CD47: variants seen among roughly 807,000 people sequenced by gnomAD.
The protein encoded by CD47 is leukocyte surface antigen CD47.
In CD47, 11 loss-of-function variants were observed where a neutral mutation model predicts 44.6. The ratio of observed to expected loss-of-function variants is 0.25; its 90% CI spans 0.16 to 0.41. CD47 has a LOEUF of 0.41. CD47 is among the 10% of genes least tolerant of loss of function. The pLI, the probability that CD47 is intolerant of heterozygous loss-of-function variation, is 1.00. For missense variants in CD47, 306 were observed against 386.7 expected, an observed-to-expected ratio of 0.79 and a Z score of 1.75; for synonymous variants, 140 against 136.3, an observed-to-expected ratio of 1.03 and a Z score of -0.19.
chr3:108,071,648 C>T (rs1367196882), intron 2 of CD47, among the ~76,000 whole-genome samples: 1 of 152,140 alleles, frequency 6.6e-6, no homozygotes, highest in Non-Finnish European at 1.5e-5. Context: ...AAACTACATG[C>T]AAAGGGCTTA....
intron 1 of CD47, among the ~76,000 whole-genome samples, chr3:108,088,852 C>T (rs1045619106): frequency 6.6e-6 from 1 of 152,168 alleles, no homozygotes; most frequent in African/African-American, 2.4e-5. Context: ...TCCAGTTTGC[C>T]TGTAATTGCA....
At chr3:108,087,919 C>T (rs1330443320) in intron 1 of CD47, among the ~76,000 whole-genome samples, 1 of 152,162 alleles carries the variant, frequency 6.6e-6, no homozygotes. Flanking sequence ...TCTGTATTTT[C>T]TACTTTAGTA....
chr3:108,080,016 C>G lies in CD47; in HGVS notation c.375G>C (p.Thr125=), dbSNP rs745531439. Residue 125 remains threonine (T), a synonymous_variant, in exon 2 of 11, where the codon ACG becomes ACC. Coordinates refer to ENST00000361309, the MANE Select transcript of CD47 (RefSeq NM_001777.4). ...CAACACGATATTTTAGCTCGATGAT[C>G]GTTTCACCTTCTCTGGTTAATTCTG... ...EVTELTREGE[T]IIELKYRVVS... 3.1e-6 allele frequency: 5 copies of G among 1,608,680 alleles called. No individual in the cohort carries two copies. Among genetic ancestry groups the G allele is most frequent in the Non-Finnish European group, 4.2e-6 (5 of 1,176,664 alleles).
chr3:108,049,893 G>T (rs2108219627), intron 9 of CD47, among the ~76,000 whole-genome samples: 1 of 152,186 alleles, frequency 6.6e-6, no homozygotes. Context: ...AGATGTTTTG[G>T]TCTATCTCTG....
At chr3:108,060,038 T>C (rs531476544) in intron 4 of CD47, among the ~76,000 whole-genome samples, 2 of 152,242 alleles carry the variant, frequency 1.3e-5, no homozygotes, top group African/African-American at 2.4e-5. Context: ...CTTCCTTTGC[T>C]TTTCTTTACA....
chr3:108,055,421 G>T, intron 7 of CD47: 1 of 633,042 alleles, frequency 1.6e-6, no homozygotes, highest in Non-Finnish European at 2.5e-6. Context: ...CAACCTTAAT[G>T]TTACATAGAT....
intron 1 of CD47, among the ~76,000 whole-genome samples, chr3:108,089,826 G>A (rs1260028820): frequency 6.6e-6 from 1 of 152,106 alleles, no homozygotes; most frequent in African/African-American, 2.4e-5. Flanking sequence ...TGTAACAATT[G>A]CTGTCACTGG....
chr3:108,086,803 T>A (rs57737896), intron 1 of CD47, among the ~76,000 whole-genome samples: 35,787 of 151,964 alleles, frequency 0.24, 4,306 homozygotes, highest in Admixed American at 0.26. Context: ...AAGGAGTCAA[T>A]GGAGAGGGAA....
At chr3:108,088,113 C>T (rs1358896107) in intron 1 of CD47, among the ~76,000 whole-genome samples, 2 of 152,176 alleles carry the variant, frequency 1.3e-5, no homozygotes, top group East Asian at 3.9e-4. Flanking sequence ...AAAAGGTAGG[C>T]AGAAACCTAA....
intron 5 of CD47, among the ~76,000 whole-genome samples, chr3:108,059,081 G>T (rs1211929024): frequency 6.6e-6 from 1 of 152,068 alleles, no homozygotes; most frequent in East Asian, 1.9e-4. Flanking sequence ...CCATTTTATA[G>T]AACCAGTCTT....
chr3:108,060,810 G>A lies in CD47; in HGVS notation c.533C>T (p.Ala178Val). The change falls in exon 4 of 11, where the codon GCT (alanine) becomes GTT (valine). Residue 178 changes from alanine (A) to valine (V), a missense_variant. By Grantham distance (64) the Ala-to-Val change is moderately conservative. Coordinates refer to ENST00000361309, the MANE Select transcript of CD47 (RefSeq NM_001777.4). ...RSGGMDEKTI[A>V]LLVAGLVITV... is the part of the protein sequence containing the mutation. ...GATCACTAGTCCAGCAACAAGTAAA[G>A]CAATTGTTTTCTCATCCATACCACC... 3 of 1,613,426 alleles carry A rather than the reference G, an allele frequency of 1.9e-6. No homozygotes were observed. The highest frequency in any genetic ancestry group is 1.6e-4 in the Middle Eastern group (1 of 6,062).
chr3:108,069,881 C>G (rs146555300), intron 3 of CD47, among the ~76,000 whole-genome samples: 241 of 152,276 alleles, frequency 1.6e-3, no homozygotes, highest in African/African-American at 5.5e-3. Context: ...TACACCAGTC[C>G]TTTTCTTGAC....
At chr3:108,070,763 A>T (rs1197044629) in intron 3 of CD47, among the ~76,000 whole-genome samples, 1 of 152,224 alleles carries the variant, frequency 6.6e-6, no homozygotes, top group Non-Finnish European at 1.5e-5. Flanking sequence ...CCACCTGTTT[A>T]CCTAATAACA....
At chr3:108,088,693 A>G (rs1034407569) in intron 1 of CD47, among the ~76,000 whole-genome samples, 8 of 152,162 alleles carry the variant, frequency 5.3e-5, no homozygotes, top group Admixed American at 4.6e-4. Flanking sequence ...TCACAACACC[A>G]TCATTATTTA....
Position 108,058,406 on chromosome 3 carries a change from T to A in CD47, c.715A>T (p.Ile239Phe), listed in dbSNP as rs914264372. 2 of 1,565,880 alleles carry A rather than the reference T, an allele frequency of 1.3e-6. No individual in the cohort carries two copies. Among genetic ancestry groups the A allele is most frequent in the African/African-American group, 1.3e-5 (1 of 74,314 alleles). The change falls in exon 6 of 11, where the codon ATT (isoleucine) becomes TTT (phenylalanine). Residue 239 changes from isoleucine to phenylalanine, a missense_variant. Transcript: ENST00000361309. ...STAIGLTSFV[I>F]AILVIQVIAY... is the part of the protein sequence containing the mutation. ...ATCACCTGAATAACCAATATGGCAA[T>A]GACGAAGGAGGTTAATCCAATCGCT...
In CD47 at chr3:108,058,336, C is replaced by A; in HGVS notation, c.784+1G>T. 1 of 1,539,624 alleles carries A rather than the reference C, an allele frequency of 6.5e-7. No homozygotes were observed. Among genetic ancestry groups the A allele is most frequent in the Non-Finnish European group, 8.8e-7 (1 of 1,136,248 alleles). ...TAGGTCTACAGAAAGATGACTCTTACCCGCAATACAGAGACTCAGTCCAAC... is the reference window on the plus strand; with the variant it reads ...TAGGTCTACAGAAAGATGACTCTTAACCGCAATACAGAGACTCAGTCCAAC... On this transcript the variant is annotated splice_donor_variant, in intron 6 of 10. Coordinates refer to ENST00000361309, the MANE Select transcript of CD47 (RefSeq NM_001777.4). LOFTEE classifies it high-confidence loss of function.
In CD47 at chr3:108,074,063, G is replaced by A. The variant is rs1299652070; in HGVS notation, c.401-2881C>T. Among the ~76,000 whole-genome samples the A allele has an allele frequency of 3.3e-5, 5 of 152,280 alleles. No individual in the cohort carries two copies. In the East Asian group the frequency reaches 7.7e-4, roughly 23 times the overall value. ...AGTAGCAAGTTTTAGCTTGATTTAA[G>A]GAAGAACTGAAATTGCCTGATAACA... On this transcript the variant is annotated intron_variant, in intron 2 of 10. Coordinates refer to ENST00000361309, the MANE Select transcript of CD47 (RefSeq NM_001777.4).
At position 108,083,166 on chromosome 3, in the gene CD47, C is replaced by A. The variant is rs188149795; in HGVS notation, c.47-2822G>T. ...GCAGTCTAAATCAGATAGCAGCAGA[C>A]AAATGTAACCAAGAGTAATGCCAGA... is the stretch of plus-strand genomic sequence containing the variant. On this transcript the variant is annotated intron_variant, in intron 1 of 10. Coordinates refer to ENST00000361309, the MANE Select transcript of CD47 (RefSeq NM_001777.4). Among the ~76,000 whole-genome samples, 333 of 152,042 alleles carry A rather than the reference C, an allele frequency of 2.2e-3. 1 individual carries two copies. Among genetic ancestry groups the A allele is most frequent in the Non-Finnish European group, 2.9e-3 (200 of 67,878 alleles).
At chr3:108,079,092 A>C (rs2079365092) in intron 2 of CD47, among the ~76,000 whole-genome samples, 1 of 152,060 alleles carries the variant, frequency 6.6e-6, no homozygotes, top group Non-Finnish European at 1.5e-5. Context: ...TATTTTATAA[A>C]AGCTAGGCAA....
Sources: allele counts gnomAD v4.1 joint callset (sites outside exome capture counted in the v4.1 genomes callset), GRCh38; gene constraint gnomAD v4.1.1; transcripts MANE v1.5; gene names NCBI Gene and HGNC (gene_info 2026-07-23, HGNC 2026-07-21).